CDH13: variants seen among roughly 807,000 people sequenced by gnomAD.
The protein encoded by CDH13 is cadherin 13, also known as cadherin-13.
Under a neutral mutation model 63.8 loss-of-function variants are expected in CDH13, and 24 were observed. That is an observed-to-expected ratio of 0.38 (90% CI 0.27 to 0.53). The LOEUF is 0.53. CDH13 is among the 20% of genes least tolerant of loss of function. The probability of loss-of-function intolerance (pLI) is 0.85; values close to 1 mark genes in which losing one functional copy is unlikely to be tolerated. For missense variants in CDH13, 1,049 were observed against 903.1 expected, an observed-to-expected ratio of 1.16 and a Z score of -2.07; for synonymous variants, 503 against 355.3, an observed-to-expected ratio of 1.42 and a Z score of -4.67.
chr16:83,445,642 T>A (rs914194952), intron 6 of CDH13, among the ~76,000 whole-genome samples: 7 of 152,206 alleles, frequency 4.6e-5, no homozygotes, highest in African/African-American at 1.7e-4. Context: ...GACCATCATG[T>A]TTTTTCTTTC....
At chr16:83,355,789 C>T (rs1453512384) in intron 6 of CDH13, among the ~76,000 whole-genome samples, 1 of 152,104 alleles carries the variant, frequency 6.6e-6, no homozygotes, top group Non-Finnish European at 1.5e-5. Context: ...CGTCAGTTTT[C>T]AACTGCTACA....
intron 2 of CDH13, among the ~76,000 whole-genome samples, chr16:82,950,739 T>A (rs947843687): frequency 1.3e-5 from 2 of 152,010 alleles, no homozygotes; most frequent in African/African-American, 4.8e-5. Context: ...ATGACTTTAT[T>A]TTAACTTGAT....
chr16:83,721,247 C>T (rs1909656859), intron 10 of CDH13: 1 of 152,180 alleles, frequency 6.6e-6, no homozygotes, highest in Admixed American at 6.5e-5. Flanking sequence ...GACACACTGC[C>T]TGTGTCCTCC....
At chr16:83,656,016 C>G (rs1045209187) in intron 8 of CDH13, among the ~76,000 whole-genome samples, 45 of 152,230 alleles carry the variant, frequency 3.0e-4, no homozygotes, top group African/African-American at 1.0e-3. Flanking sequence ...GCAACCATTA[C>G]CACTATCTAA....
chr16:83,046,181 C>G (rs1018037531), intron 3 of CDH13, among the ~76,000 whole-genome samples: 4 of 152,128 alleles, frequency 2.6e-5, no homozygotes, highest in Non-Finnish European at 5.9e-5. Context: ...TGGTCCATAC[C>G]CCTTAGAAGT....
At chr16:82,801,579 T>C (rs187423993) in intron 1 of CDH13, among the ~76,000 whole-genome samples, 2 of 152,324 alleles carry the variant, frequency 1.3e-5, no homozygotes, top group Admixed American at 1.3e-4. Flanking sequence ...TACTACTGGA[T>C]GCTGACTCAA....
intron 7 of CDH13, among the ~76,000 whole-genome samples, chr16:83,529,971 A>G (rs948796479): frequency 3.9e-5 from 6 of 152,132 alleles, no homozygotes; most frequent in Admixed American, 2.0e-4. Context: ...AACTTGTGAA[A>G]TGGGGTCGGG....
chr16:83,084,717 C>T (rs900676710), intron 3 of CDH13, among the ~76,000 whole-genome samples: 3 of 151,990 alleles, frequency 2.0e-5, no homozygotes, highest in South Asian at 2.1e-4. Context: ...GGTGAAACCC[C>T]GCCTCTACTA....
chr16:83,045,615 C>A (rs754648831), intron 3 of CDH13, among the ~76,000 whole-genome samples: 1 of 122,928 alleles, frequency 8.1e-6, no homozygotes, highest in Non-Finnish European at 1.6e-5. Context: ...GTAGTCTGGG[C>A]GACAGATCAA....
At chr16:82,642,125 A>G (rs1258012084) in intron 1 of CDH13, among the ~76,000 whole-genome samples, 1 of 149,452 alleles carries the variant, frequency 6.7e-6, no homozygotes, top group East Asian at 2.0e-4. Context: ...GGTGCTTGGC[A>G]AATGTGTGTT....
chr16:83,256,560 G>A (rs948995096), intron 5 of CDH13, among the ~76,000 whole-genome samples: 8 of 151,626 alleles, frequency 5.3e-5, no homozygotes, highest in African/African-American at 1.7e-4. Context: ...GGCCAGGCAC[G>A]GTGGCTCACG....
chr16:83,792,218 C>T (rs1916320028), intron 13 of CDH13, among the ~76,000 whole-genome samples: 1 of 152,204 alleles, frequency 6.6e-6, no homozygotes, highest in Non-Finnish European at 1.5e-5. Flanking sequence ...AGCTGTGGCC[C>T]CTTAAAGTGA....
At chr16:83,675,436 C>G (rs1242359173) in intron 9 of CDH13, among the ~76,000 whole-genome samples, 1 of 152,204 alleles carries the variant, frequency 6.6e-6, no homozygotes, top group Non-Finnish European at 1.5e-5. Context: ...TCCTGCATGG[C>G]ATAGTTCCTC....
chr16:83,186,998 T>C (rs2038546272), intron 4 of CDH13, among the ~76,000 whole-genome samples: 1 of 151,906 alleles, frequency 6.6e-6, no homozygotes, highest in Non-Finnish European at 1.5e-5. Context: ...TGAGACGGAG[T>C]CTCGCTCTGT....
chr16:83,718,060 G>C (rs924312197), intron 10 of CDH13, among the ~76,000 whole-genome samples: 1 of 152,216 alleles, frequency 6.6e-6, no homozygotes, highest in African/African-American at 2.4e-5. Context: ...TCTTACTTTG[G>C]ATTGCCCCCG....
chr16:82,887,640 G>C (rs879734746), intron 2 of CDH13, among the ~76,000 whole-genome samples: 1 of 152,138 alleles, frequency 6.6e-6, no homozygotes, highest in Non-Finnish European at 1.5e-5. Flanking sequence ...GGCCAACGTG[G>C]TGAAACCTCA....
At chr16:83,308,533 A>G (rs565635683) in intron 5 of CDH13, among the ~76,000 whole-genome samples, 1 of 152,344 alleles carries the variant, frequency 6.6e-6, no homozygotes, top group South Asian at 2.1e-4. Flanking sequence ...GCAAATGGCA[A>G]CAAAAACACA....
At chr16:83,086,443 G>T (rs1467852488) in intron 3 of CDH13, among the ~76,000 whole-genome samples, 1 of 152,254 alleles carries the variant, frequency 6.6e-6, no homozygotes, top group East Asian at 1.9e-4. Context: ...TTAGGGTGAC[G>T]ATGGTTGTAA....
chr16:83,543,651 G>C (rs935696033), intron 7 of CDH13, among the ~76,000 whole-genome samples: 12 of 152,152 alleles, frequency 7.9e-5, no homozygotes, highest in African/African-American at 2.9e-4. Flanking sequence ...CTCCTCAGGG[G>C]ACAGACATTA....
Sources: allele counts gnomAD v4.1 joint callset (sites outside exome capture counted in the v4.1 genomes callset), GRCh38; gene constraint gnomAD v4.1.1; transcripts MANE v1.5; gene names NCBI Gene and HGNC (gene_info 2026-07-23, HGNC 2026-07-21).